Variants in SEMA6B observed in about 807,000 individuals in gnomAD.
SEMA6B encodes semaphorin-6B.
A neutral mutation model predicts 78.6 loss-of-function variants in SEMA6B; 47 were observed. That is an observed-to-expected ratio of 0.60 (90% CI 0.47 to 0.76). The LOEUF (loss-of-function observed/expected upper bound fraction) is 0.76. SEMA6B is among the 30% of genes least tolerant of loss of function. The probability of loss-of-function intolerance (pLI) is 0.00; values close to 1 mark genes in which losing one functional copy is unlikely to be tolerated. For missense variants in SEMA6B, 1,213 were observed against 1,269.9 expected (o/e 0.96, Z 0.68); for synonymous variants, 632 against 592.2 (o/e 1.07, Z -0.98).
In SEMA6B at chr19:4,550,150, G is replaced by T; in HGVS notation, c.1244C>A (p.Ala415Glu). The T allele has an allele frequency of 1.2e-6, 2 of 1,613,748 alleles. No individual in the cohort carries two copies. The highest frequency in any genetic ancestry group is 1.7e-6 in the Non-Finnish European group (2 of 1,179,994). Residue 415 changes from alanine to glutamate, a missense_variant, in exon 12 of 17, where the codon GCG (alanine) becomes GAG (glutamate). Coordinates refer to ENST00000586582, the MANE Select transcript of SEMA6B (RefSeq NM_032108.4). This position sits in a 1 kb window ranked among gnomAD's most constrained non-coding sequence, Gnocchi z 6.6. The stretch of plus-strand genomic sequence containing the variant: ...CATCAGGGTCCGCAGGATCCAGGGC[G>T]CATGGCCCAGCGAGGGCACCGCCTC... Reference protein sequence around the residue: ...MDEAVPSLGHAPWILRTLMRH... With the variant: ...MDEAVPSLGHEPWILRTLMRH...
rs1977089420 is a variant in SEMA6B, at chr19:4,543,896, G to C, written c.2372C>G (p.Pro791Arg). 4 of 1,204,242 alleles carry C rather than the reference G, an allele frequency of 3.3e-6. No individual in the cohort carries two copies. The highest frequency in any genetic ancestry group is 4.4e-5 in the Admixed American group (1 of 22,606). The allele number at this position is 1,204,242 out of a possible 1,614,324, so 74.6% of individuals were successfully genotyped here. The change falls in exon 17 of 17, where the codon CCC becomes CGC. Residue 791 changes from proline to arginine, a missense_variant. Pro to Arg is a moderately radical substitution (Grantham distance 103). Coordinates refer to ENST00000586582, the MANE Select transcript of SEMA6B (RefSeq NM_032108.4). The stretch of plus-strand genomic sequence containing the variant: ...CCGCCGGCGGTCCGGGCTGGCGTGG[G>C]GGGTGAGCGGGAAGTCGCCGTGGGA... ...RASHGDFPLT[P>R]HASPDRRRVV...
intron 16 of SEMA6B, 191 bp downstream of exon 16, chr19:4,546,025 C>G (rs1977154929): frequency 2.0e-6 from 1 of 512,620 alleles, no homozygotes; most frequent in East Asian, 3.2e-5. Context: ...CCCACCTTGG[C>G]CTCCCAAAGT....
In SEMA6B at chr19:4,548,346, G is replaced by A; in HGVS notation, c.1371C>T (p.Phe457=). ...LGSEAGTVLK[F]LVRPNASTSG... ...AGGTGCTGGCATTGGGCCGGACGAGGAACTTGAGGACCGTCCCCGCCTCAG... is the reference window on the plus strand; with the variant it reads ...AGGTGCTGGCATTGGGCCGGACGAGAAACTTGAGGACCGTCCCCGCCTCAG... The change falls in exon 13 of 17, where the codon TTC becomes TTT. Residue 457 remains phenylalanine, a synonymous_variant. Transcript: ENST00000586582. The A allele has an allele frequency of 6.2e-7, 1 of 1,613,884 alleles. No individual in the cohort carries two copies. Among genetic ancestry groups the A allele is most frequent in the Non-Finnish European group, 8.5e-7 (1 of 1,180,018 alleles).
intron 5 of SEMA6B, 79 bp from the exon 6 acceptor site, chr19:4,556,168 T>A: frequency 9.9e-7 from 1 of 1,011,462 alleles, no homozygotes; most frequent in Non-Finnish European, 1.6e-6. Flanking sequence ...ACCTGAGTTG[T>A]GTGGGTGGAG....
At position 4,544,263 on chromosome 19, in the gene SEMA6B, C is replaced by A. The variant is rs1049623909; in HGVS notation, c.2005G>T (p.Gly669Cys). 25 of 1,285,720 alleles carry A rather than the reference C, an allele frequency of 1.9e-5. No homozygotes were observed. Among genetic ancestry groups the A allele is most frequent in the Non-Finnish European group, 2.4e-5 (24 of 1,020,398 alleles). 79.6% of individuals were successfully genotyped at this position (1,285,720 alleles called of 1,614,324 possible). Residue 669 changes from glycine to cysteine, a missense_variant, in exon 17 of 17, where the codon GGT (glycine) becomes TGT (cysteine). Physicochemically the swap from Gly to Cys is radical, Grantham distance 159. Coordinates refer to ENST00000586582, the MANE Select transcript of SEMA6B (RefSeq NM_032108.4). The surrounding 1 kb of genome is among the most constrained non-coding windows in gnomAD (Gnocchi z 5.1). ...GGGGGAACCCCGGCGCCACCGCCAC[C>A]GCCTCCGCCCCGGCCCCCGGGACCC... is the stretch of plus-strand genomic sequence containing the variant. ...AQGPGGRGGG[G>C]GGGAGVPPEA...
At chr19:4,556,148 C>T in intron 5 of SEMA6B, 59 bp from the exon 6 acceptor site, 2 of 1,251,702 alleles carry the variant, frequency 1.6e-6, no homozygotes, top group South Asian at 1.2e-5. Context: ...TGGTGATGGG[C>T]GTGGCCAGAA....
chr19:4,544,302 C>T lies in SEMA6B; in HGVS notation c.1966G>A (p.Glu656Lys), dbSNP rs747115338. 18 of 1,470,332 alleles carry T rather than the reference C, an allele frequency of 1.2e-5. No homozygotes were observed. The highest frequency in any genetic ancestry group is 5.2e-5 in the South Asian group (4 of 76,494). The allele number at this position is 1,470,332 out of a possible 1,614,324, so 91.1% of individuals were successfully genotyped here. A position where few individuals can be genotyped will look rare whatever the true frequency, so the allele number is the denominator to read the frequency against. ...EAVLSVSRLG[E>K]RRAQGPGGRG... ...CCCCCGGGACCCTGCGCCCTGCGCT[C>T]GCCCAGGCGGCTGACGCTCAGCACC... The change falls in exon 17 of 17, where the codon GAG (glutamate) becomes AAG (lysine). Residue 656 changes from glutamate (E) to lysine (K), a missense_variant. Physicochemically the swap from Glu to Lys is moderately conservative, Grantham distance 56. Transcript: ENST00000586582. The surrounding 1 kb of genome is among the most constrained non-coding windows in gnomAD (Gnocchi z 5.1).
Position 4,543,012 on chromosome 19 carries a change from G to A in SEMA6B, c.*589C>T, listed in dbSNP as rs916481763. 5 of 691,870 alleles carry A rather than the reference G, an allele frequency of 7.2e-6. No individual in the cohort carries two copies. The highest frequency in any genetic ancestry group is 1.8e-5 in the African/African-American group (1 of 56,884). 42.9% of individuals were successfully genotyped at this position (691,870 alleles called of 1,614,324 possible). A position where few individuals can be genotyped will look rare whatever the true frequency, so the allele number is the denominator to read the frequency against. ...GGCCGCTGGGGCCACCACGATCGTC[G>A]CTCGTGGACACACACCCTGCACGCG... is the stretch of plus-strand genomic sequence containing the variant. On this transcript the variant is annotated 3_prime_UTR_variant, in exon 17 of 17. Transcript: ENST00000586582.
chr19:4,558,497 C>T lies in SEMA6B; in HGVS notation c.-32-8G>A. ...GACAGGAGGAGGTGACGCCTGCGGG[C>T]AAGGGGCGGCGAGGTGAGCGGCCTG... On this transcript the variant is annotated splice_region_variant and splice_polypyrimidine_tract_variant and intron_variant, in intron 1 of 16. Transcript: ENST00000586582. The surrounding 1 kb of genome is among the most constrained non-coding windows in gnomAD (Gnocchi z 5.1). The T allele has an allele frequency of 8.1e-7, 1 of 1,235,280 alleles. No homozygotes were observed. Among genetic ancestry groups the T allele is most frequent in the Non-Finnish European group, 1.0e-6 (1 of 987,946 alleles). The allele number at this position is 1,235,280 out of a possible 1,614,324, so 76.5% of individuals were successfully genotyped here.
intron 14 of SEMA6B, among the ~76,000 whole-genome samples, chr19:4,547,199 C>T (rs892748133): frequency 5.9e-5 from 9 of 151,834 alleles, no homozygotes; most frequent in Admixed American, 3.9e-4. Context: ...TCGAACTCCT[C>T]GGCTCAAGGA....
At chr19:4,553,597 A>C (rs575758167) in intron 9 of SEMA6B, among the ~76,000 whole-genome samples, 1 of 144,110 alleles carries the variant, frequency 6.9e-6, no homozygotes, top group African/African-American at 2.6e-5. Context: ...GGAAGGGTGG[A>C]TGGATTGGCA....
intron 5 of SEMA6B, among the ~76,000 whole-genome samples, chr19:4,556,588 G>A (rs952834264): frequency 6.6e-6 from 1 of 151,486 alleles, no homozygotes; most frequent in Non-Finnish European, 1.5e-5. Context: ...GATTGGGTGG[G>A]GAGTGAGCTA....
Position 4,557,216 on chromosome 19 carries a change from G to A in SEMA6B, c.253C>T (p.Leu85Phe), listed in dbSNP as rs760190320. ...RTLFIGDRDN[L>F]YRVELEPPTS... is the part of the protein sequence containing the mutation. ...GGGGGCTCCAGCTCTACGCGGTAGA[G>A]GTTGTCCCTGGGGGAGGGGCATAGT... Residue 85 changes from leucine to phenylalanine, a missense_variant, in exon 4 of 17, where the codon CTC (leucine) becomes TTC (phenylalanine). By Grantham distance (22) the Leu-to-Phe change is conservative. Coordinates refer to ENST00000586582, the MANE Select transcript of SEMA6B (RefSeq NM_032108.4). The A allele has an allele frequency of 3.2e-6, 5 of 1,582,986 alleles. No individual in the cohort carries two copies. The highest frequency in any genetic ancestry group is 1.7e-4 in the Middle Eastern group (1 of 5,890).
rs1160895034 is a variant in SEMA6B, at chr19:4,546,374, C to CT, written c.1679+17dup. 1 of 1,583,386 alleles carries CT rather than the reference C, an allele frequency of 6.3e-7. No individual in the cohort carries two copies. The highest frequency in any genetic ancestry group is 1.1e-5 in the South Asian group (1 of 87,124). ...CGGGTCTGACACACCCTCCACCCAC[C>CT]TCCCTCTCCCGCAGTACCTGGTGCC... On this transcript the variant is annotated intron_variant, in intron 15 of 16. Transcript: ENST00000586582.
rs533569589 is a variant in SEMA6B at position 4,551,046 on chromosome 19, G to C, written c.990-116C>G. The C allele has an allele frequency of 3.3e-6, 4 of 1,195,464 alleles. No homozygotes were observed. In the African/African-American group the frequency reaches 6.0e-5, roughly 18 times the overall value. 74.1% of individuals were successfully genotyped at this position (1,195,464 alleles called of 1,614,324 possible). A position where few individuals can be genotyped will look rare whatever the true frequency, so the allele number is the denominator to read the frequency against. ...GTGAATCTTCAGTCTTCCTAGGCCA[G>C]AGATGTCCCCTGTCCCTCCCGCATC... On this transcript the variant is annotated intron_variant, in intron 10 of 16. Transcript: ENST00000586582.
rs180805084 is a variant in SEMA6B at position 4,555,738 on chromosome 19, G to A, written c.472-174C>T. Among the ~76,000 whole-genome samples the A allele has an allele frequency of 1.7e-4, 26 of 152,342 alleles. 1 individual carries two copies. The highest frequency in any genetic ancestry group is 1.4e-3 in the Admixed American group (21 of 15,306). Reference sequence around the variant, plus strand: ...TTTACTGATCTGTAAATGGGTTTAAGAGTCAATGCCTAGTTAGACCTGTAA... The same window carrying A: ...TTTACTGATCTGTAAATGGGTTTAAAAGTCAATGCCTAGTTAGACCTGTAA... On this transcript the variant is annotated intron_variant, in intron 6 of 16. Coordinates refer to ENST00000586582, the MANE Select transcript of SEMA6B (RefSeq NM_032108.4). The surrounding 1 kb of genome is among the most constrained non-coding windows in gnomAD (Gnocchi z 6.1).
Position 4,556,934 on chromosome 19 carries a change from A to C in SEMA6B, c.369+17T>G. ...GGCTGATTCGCAGGGGCCGGGACCG[A>C]GCCAGGGCCAACTCACCTCCTGTTT... On this transcript the variant is annotated intron_variant, in intron 5 of 16. Transcript: ENST00000586582. 1 of 1,610,548 alleles carries C rather than the reference A, an allele frequency of 6.2e-7. No homozygotes were observed. Among genetic ancestry groups the C allele is most frequent in the Non-Finnish European group, 8.5e-7 (1 of 1,178,148 alleles).
chr19:4,550,442 C>A lies in SEMA6B; in HGVS notation c.1122-170G>T, dbSNP rs559597277. ...CAGGCTGGAGTGCTTTGGCTCACTG[C>A]AACCTCCACCTCCTGGGTTCAAGCG... On this transcript the variant is annotated intron_variant, in intron 11 of 16. Transcript: ENST00000586582. The surrounding 1 kb of genome is among the most constrained non-coding windows in gnomAD (Gnocchi z 6.6). 6.6e-6 allele frequency among the ~76,000 whole-genome samples: 1 copy of A among 152,052 alleles called. No individual in the cohort carries two copies. Among genetic ancestry groups the A allele is most frequent in the African/African-American group, 2.4e-5 (1 of 41,386 alleles).
chr19:4,559,358 C>A (rs987195441), intron 1 of SEMA6B, among the ~76,000 whole-genome samples, 172 bp downstream of exon 1: 3 of 152,144 alleles, frequency 2.0e-5, no homozygotes, highest in African/African-American at 4.8e-5. Context: ...ACAGGCACCT[C>A]ACTACCTCTC....
Sources: allele counts gnomAD v4.1 joint callset (sites outside exome capture counted in the v4.1 genomes callset), GRCh38; gene constraint gnomAD v4.1.1; non-coding constraint Gnocchi (gnomAD v3.1); transcripts MANE v1.5; gene names NCBI Gene and HGNC (gene_info 2026-07-23, HGNC 2026-07-21).